Variants in CLTCL1 observed in about 807,000 individuals in gnomAD.
CLTCL1 encodes the protein clathrin heavy chain like 1.
Under a neutral mutation model 190.0 loss-of-function variants are expected in CLTCL1, and 159 were observed. The observed-to-expected ratio is 0.84, with a 90% CI of 0.74 to 0.95. The LOEUF (loss-of-function observed/expected upper bound fraction) is 0.95. CLTCL1 is among the 40% of genes least tolerant of loss of function. The pLI is 0.00. For synonymous variants in CLTCL1, 752 were observed against 769.6 expected (o/e 0.98, Z 0.38); for missense variants, 1,878 against 2,033.4 (o/e 0.92, Z 1.47).
intron 29 of CLTCL1, 57 bp from the exon 30 acceptor site, chr22:19,183,668 C>T (rs12628870): frequency 0.011 from 17,579 of 1,570,646 alleles, 289 homozygotes; most frequent in East Asian, 0.067. Flanking sequence ...TTTGTGCCTG[C>T]AGCAGCTGGG....
chr22:19,200,698 C>T (rs781862511), intron 23 of CLTCL1, among the ~76,000 whole-genome samples: 1 of 152,076 alleles, frequency 6.6e-6, no homozygotes, highest in Non-Finnish European at 1.5e-5. Context: ...AAAAATTAGC[C>T]GGGCGTGGTG....
intron 5 of CLTCL1, among the ~76,000 whole-genome samples, chr22:19,236,562 G>A (rs1280625776): frequency 1.3e-5 from 2 of 152,140 alleles, no homozygotes; most frequent in African/African-American, 2.4e-5. Context: ...TATTAAAACA[G>A]ACAGTAATTT....
At chr22:19,232,183 C>T (rs963511168) in intron 10 of CLTCL1, among the ~76,000 whole-genome samples, 4 of 152,068 alleles carry the variant, frequency 2.6e-5, no homozygotes, top group East Asian at 1.9e-4. Flanking sequence ...GGGTGGGCCA[C>T]GGGATGGAGG....
At chr22:19,202,599 C>A (rs548067891) in intron 22 of CLTCL1, among the ~76,000 whole-genome samples, 4 of 150,306 alleles carry the variant, frequency 2.7e-5, no homozygotes, top group African/African-American at 9.8e-5. Flanking sequence ...CCCCTCCTTC[C>A]GTCATCCATG....
intron 2 of CLTCL1, among the ~76,000 whole-genome samples, chr22:19,269,431 A>T (rs529061893): frequency 1.2e-4 from 19 of 152,320 alleles, no homozygotes; most frequent in Middle Eastern, 3.4e-3. Context: ...AATTTATCAT[A>T]TGATCCAGCA....
chr22:19,181,033 G>A, intron 30 of CLTCL1: 2 of 565,804 alleles, frequency 3.5e-6, no homozygotes, highest in Non-Finnish European at 6.4e-6. Flanking sequence ...GGAACGCCAG[G>A]TGGGGCCCCC....
At chr22:19,239,541 G>A (rs532554607) in intron 4 of CLTCL1, among the ~76,000 whole-genome samples, 153 bp from the exon 5 acceptor site, 2 of 152,302 alleles carry the variant, frequency 1.3e-5, no homozygotes, top group Admixed American at 6.5e-5. Flanking sequence ...CCCCCTTGTC[G>A]GAGTGCCTGT....
chr22:19,206,881 G>T (rs1555943031), intron 22 of CLTCL1, among the ~76,000 whole-genome samples: 1 of 152,026 alleles, frequency 6.6e-6, no homozygotes, highest in African/African-American at 2.4e-5. Flanking sequence ...CTACATGGCG[G>T]ACTCCACAAT....
At chr22:19,237,781 C>A (rs1242432618) in intron 5 of CLTCL1, among the ~76,000 whole-genome samples, 1 of 152,132 alleles carries the variant, frequency 6.6e-6, no homozygotes, top group African/African-American at 2.4e-5. Flanking sequence ...TAGTGCAGAG[C>A]CATTTTCATA....
chr22:19,253,186 C>T (rs2086650661), intron 3 of CLTCL1, among the ~76,000 whole-genome samples: 1 of 152,098 alleles, frequency 6.6e-6, no homozygotes, highest in African/African-American at 2.4e-5. Flanking sequence ...TACACAGAAG[C>T]AGCTCTATGT....
At chr22:19,255,019 C>T (rs1340863755) in intron 2 of CLTCL1, among the ~76,000 whole-genome samples, 1 of 152,068 alleles carries the variant, frequency 6.6e-6, no homozygotes. Context: ...TTGCTTCCCA[C>T]AAAGATTGGG....
At chr22:19,195,776 C>G (rs1555935041) in intron 26 of CLTCL1, among the ~76,000 whole-genome samples, 2 of 152,226 alleles carry the variant, frequency 1.3e-5, no homozygotes, top group African/African-American at 4.8e-5. Flanking sequence ...AACTCGGGTC[C>G]CGGTTTAGCC....
At chr22:19,247,401 G>A (rs916291997) in intron 3 of CLTCL1, among the ~76,000 whole-genome samples, 10 of 152,078 alleles carry the variant, frequency 6.6e-5, no homozygotes, top group African/African-American at 2.4e-4. Flanking sequence ...GTAAATGCAT[G>A]GGATTTTTTT....
At chr22:19,275,908 A>G (rs1442015821) in intron 1 of CLTCL1, 78 bp from the exon 2 acceptor site, 33 of 1,271,364 alleles carry the variant, frequency 2.6e-5, no homozygotes, top group Non-Finnish European at 3.6e-5. Context: ...AAAGAGGAGA[A>G]GTTAAATAAA....
At chr22:19,211,781 A>C (rs2085233785) in intron 19 of CLTCL1, among the ~76,000 whole-genome samples, 2 of 149,890 alleles carry the variant, frequency 1.3e-5, no homozygotes, top group African/African-American at 4.9e-5. Context: ...AAAAAAAAAA[A>C]AACAAAAACA....
At chr22:19,208,802 C>A (rs1164407785) in intron 21 of CLTCL1, 120 bp downstream of exon 21, 5 of 792,432 alleles carry the variant, frequency 6.3e-6, no homozygotes, top group African/African-American at 3.5e-5. Context: ...TGTAGATGTG[C>A]CCTCTGATAT....
chr22:19,180,835 C>T, intron 30 of CLTCL1, 29 bp from the exon 31 acceptor site: 1 of 1,606,242 alleles, frequency 6.2e-7, no homozygotes, highest in Non-Finnish European at 8.5e-7. Context: ...ACGTGAGCAC[C>T]CGCTTGACAG....
chr22:19,213,875 T>G (rs1489556211), intron 19 of CLTCL1, among the ~76,000 whole-genome samples: 1 of 152,190 alleles, frequency 6.6e-6, no homozygotes, highest in South Asian at 2.1e-4. Flanking sequence ...AGATCTACAC[T>G]TGTGTTAAAA....
In CLTCL1 at chr22:19,211,726, C is replaced by T. The variant is rs1188689848; in HGVS notation, c.3066-1217G>A. On this transcript the variant is annotated intron_variant, in intron 19 of 32. Coordinates refer to ENST00000427926, the MANE Select transcript of CLTCL1 (RefSeq NM_007098.4). ...AGGTTGCAGTGAGCTGAGATTGCGC[C>T]ACTGCACTCCAGCCTGGGCGACAGA... Among the ~76,000 whole-genome samples the T allele has an allele frequency of 5.6e-5, 8 of 144,122 alleles. No homozygotes were observed. In the East Asian group the frequency reaches 1.7e-3, roughly 30 times the overall value. 94.5% of individuals were successfully genotyped at this position (144,122 alleles called of 152,430 possible).
Sources: gnomAD v4.1 joint callset for allele counts (sites outside exome capture counted in the v4.1 genomes callset) on GRCh38, gnomAD v4.1.1 for gene constraint, MANE v1.5 for transcripts, NCBI Gene and HGNC (gene_info 2026-07-23, HGNC 2026-07-21) for gene names.